The following NAT14 variants were observed in gnomAD, a reference collection of about 807,000 sequenced individuals.
NAT14 encodes probable N-acetyltransferase 14.
In NAT14, 14 loss-of-function variants were observed where a neutral mutation model predicts 12.1. The ratio of observed to expected loss-of-function variants is 1.16; its 90% CI spans 0.76 to 1.81. NAT14 has a LOEUF of 1.81. Ranked by LOEUF, NAT14 falls within the 40% of genes most tolerant of loss-of-function variation. The probability of loss-of-function intolerance (pLI) is 0.00; values close to 1 mark genes in which losing one functional copy is unlikely to be tolerated. For missense variants in NAT14, 341 were observed against 304.3 expected, an observed-to-expected ratio of 1.12 and a Z score of -0.90; for synonymous variants, 156 against 145.1, an observed-to-expected ratio of 1.08 and a Z score of -0.54.
Position 55,487,277 on chromosome 19 carries a change from G to A in NAT14, c.*321G>A. 2.2e-6 allele frequency: 1 copy of A among 462,726 alleles called. No homozygotes were observed. Among genetic ancestry groups the A allele is most frequent in the Non-Finnish European group, 3.8e-6 (1 of 265,628 alleles). The allele number at this position is 462,726 out of a possible 1,614,324, so 28.7% of individuals were successfully genotyped here. A position where few individuals can be genotyped will look rare whatever the true frequency, so the allele number is the denominator to read the frequency against. Reference sequence around the variant, plus strand: ...AACCTCCCCGGGTGATGTCTGCAAAGTCTGTGCTGTCCGTGCCCCAGGCTG... The same window carrying A: ...AACCTCCCCGGGTGATGTCTGCAAAATCTGTGCTGTCCGTGCCCCAGGCTG... On this transcript the variant is annotated 3_prime_UTR_variant, in exon 3 of 3. Transcript: ENST00000205194.
rs1051919066 is a variant in NAT14 at position 55,486,497 on chromosome 19, C to T, written c.162C>T (p.Gly54=). The stretch of plus-strand genomic sequence containing the variant: ...TCCTCCTGGCGGCGGCCAGCAGCGG[C>T]CTGCGCTTTGTCCTGGCTTCCTTCG... ...ALLLLAAASS[G]LRFVLASFAL... is the part of the protein sequence containing the mutation. Residue 54 remains glycine (G), a synonymous_variant, in exon 3 of 3, where the codon GGC becomes GGT. Coordinates refer to ENST00000205194, the MANE Select transcript of NAT14 (RefSeq NM_020378.4). 1 of 1,576,836 alleles carries T rather than the reference C, an allele frequency of 6.3e-7. No individual in the cohort carries two copies. Among genetic ancestry groups the T allele is most frequent in the Admixed American group, 1.8e-5 (1 of 56,706 alleles).
rs770406141 is a variant in NAT14, at chr19:55,485,821, G to A, written c.72+41G>A. ...CCCAGGGGGCCTGGGAGTGGCTGCA[G>A]TGGGGGAATTGCAAGTGGATTCAGC... is the stretch of plus-strand genomic sequence containing the variant. On this transcript the variant is annotated intron_variant, in intron 2 of 2. Coordinates refer to ENST00000205194, the MANE Select transcript of NAT14 (RefSeq NM_020378.4). 6.3e-6 allele frequency: 9 copies of A among 1,436,848 alleles called. No homozygotes were observed. In the South Asian group the frequency reaches 1.1e-4, roughly 18 times the overall value. 89.0% of individuals were successfully genotyped at this position (1,436,848 alleles called of 1,614,324 possible). A position where few individuals can be genotyped will look rare whatever the true frequency, so the allele number is the denominator to read the frequency against.
rs904323293 is a variant in NAT14 at position 55,486,897 on chromosome 19, G to A, written c.562G>A (p.Glu188Lys). ...GCTGGAGGGCTGTGGCTACCAGGCC[G>A]AGGGGGGCTGGGGCTGCCTGGGCTA... ...GMLEGCGYQA[E>K]GGWGCLGYTL... Residue 188 changes from glutamate (E) to lysine (K), a missense_variant, in exon 3 of 3, where the codon GAG (glutamate) becomes AAG (lysine). By Grantham distance (56) the Glu-to-Lys change is moderately conservative. Coordinates refer to ENST00000205194, the MANE Select transcript of NAT14 (RefSeq NM_020378.4). 1.4e-5 allele frequency: 22 copies of A among 1,553,160 alleles called. No individual in the cohort carries two copies. The highest frequency in any genetic ancestry group is 1.9e-5 in the Non-Finnish European group (22 of 1,157,116).
chr19:55,485,852 C>A lies in NAT14; in HGVS notation c.72+72C>A, dbSNP rs371970303. The A allele has an allele frequency of 3.7e-5, 44 of 1,194,640 alleles. No homozygotes were observed. The African/African-American group carries it at 6.3e-4, about 17-fold the overall frequency. 74.0% of individuals were successfully genotyped at this position (1,194,640 alleles called of 1,614,324 possible). On this transcript the variant is annotated intron_variant, in intron 2 of 2. Transcript: ENST00000205194. Reference sequence around the variant, plus strand: ...GAATTGCAAGTGGATTCAGCCACCCCCTCCCACCCACCTGAGCCAGCCTGG... The same window carrying A: ...GAATTGCAAGTGGATTCAGCCACCCACTCCCACCCACCTGAGCCAGCCTGG...
In NAT14 at chr19:55,487,059, C is replaced by T. The variant is rs1986945925; in HGVS notation, c.*103C>T. The stretch of plus-strand genomic sequence containing the variant: ...TTTTACCTGCTCTCCCTCAGTGAGT[C>T]CTCAACCACCCTGGGCCCAGAAACA... On this transcript the variant is annotated 3_prime_UTR_variant, in exon 3 of 3. Transcript: ENST00000205194. 7.0e-7 allele frequency: 1 copy of T among 1,435,412 alleles called. No individual in the cohort carries two copies. Among genetic ancestry groups the T allele is most frequent in the Admixed American group, 2.5e-5 (1 of 39,808 alleles). 88.9% of individuals were successfully genotyped at this position (1,435,412 alleles called of 1,614,324 possible).
In NAT14 at chr19:55,486,504, T is replaced by TTTGTCCTGGCTTCCTTCGCC; in HGVS notation, c.170_189dup (p.Ala65SerfsTer20). ...GGCGGCGGCCAGCAGCGGCCTGCGC[T>TTTGTCCTGGCTTCCTTCGCC]TTGTCCTGGCTTCCTTCGCCCTGGC... On this transcript the variant is annotated frameshift_variant, in exon 3 of 3. Coordinates refer to ENST00000205194, the MANE Select transcript of NAT14 (RefSeq NM_020378.4). LOFTEE classifies it high-confidence loss of function. The TTTGTCCTGGCTTCCTTCGCC allele has an allele frequency of 3.8e-6, 6 of 1,582,628 alleles. No homozygotes were observed. The highest frequency in any genetic ancestry group is 5.1e-6 in the Non-Finnish European group (6 of 1,171,592).
intron 1 of NAT14, 68 bp downstream of exon 1, chr19:55,485,326 C>G (rs1360652336): frequency 4.9e-6 from 1 of 204,264 alleles, no homozygotes; most frequent in Non-Finnish European, 9.9e-6. Context: ...CGCTGGGGAC[C>G]GGGGTGGAGC....
At chr19:55,485,937 G>A (rs1390557166) in intron 2 of NAT14, 157 bp downstream of exon 2, 3 of 652,054 alleles carry the variant, frequency 4.6e-6, no homozygotes, top group Non-Finnish European at 8.2e-6. Context: ...GAAAACCACA[G>A]CAGGTGTGGC....
In NAT14 at chr19:55,485,251, C is replaced by G. The variant is rs531938738; in HGVS notation, c.-56C>G. The G allele has an allele frequency of 6.4e-6, 1 of 157,402 alleles. No individual in the cohort carries two copies. Among genetic ancestry groups the G allele is most frequent in the Admixed American group, 6.4e-5 (1 of 15,578 alleles). 9.8% of individuals were successfully genotyped at this position (157,402 alleles called of 1,614,324 possible). On this transcript the variant is annotated 5_prime_UTR_variant, in exon 1 of 3. Transcript: ENST00000205194. ...ACCTTGTCGAAGGACCAAAGGCGAC[C>G]GGTGCAGGTGCTTGCTGGTCCTTGT... is the stretch of plus-strand genomic sequence containing the variant.
chr19:55,487,320 G>A lies in NAT14; in HGVS notation c.*364G>A. On this transcript the variant is annotated 3_prime_UTR_variant, in exon 3 of 3. Transcript: ENST00000205194. The stretch of plus-strand genomic sequence containing the variant: ...CCAGGCTGGGAGAGCTATCTGGGGA[G>A]GGGGAGAGGAGGCCGAGCAGAATAC... 2 of 432,030 alleles carry A rather than the reference G, an allele frequency of 4.6e-6. No individual in the cohort carries two copies. The highest frequency in any genetic ancestry group is 5.7e-4 in the Middle Eastern group (1 of 1,748). The allele number at this position is 432,030 out of a possible 1,614,324, so 26.8% of individuals were successfully genotyped here.
chr19:55,485,582 G>A (rs542273840), intron 1 of NAT14, 79 bp from the exon 2 acceptor site: 7 of 752,650 alleles, frequency 9.3e-6, no homozygotes, highest in South Asian at 8.7e-5. Context: ...GGGAAGTGCC[G>A]TTGCTGCTCC....
In NAT14 at chr19:55,486,816, C is replaced by T. The variant is rs1430762258; in HGVS notation, c.481C>T (p.Pro161Ser). 4 of 1,499,340 alleles carry T rather than the reference C, an allele frequency of 2.7e-6. No individual in the cohort carries two copies. Among genetic ancestry groups the T allele is most frequent in the African/African-American group, 1.4e-5 (1 of 70,986 alleles). The allele number at this position is 1,499,340 out of a possible 1,614,324, so 92.9% of individuals were successfully genotyped here. A position where few individuals can be genotyped will look rare whatever the true frequency, so the allele number is the denominator to read the frequency against. Residue 161 changes from proline to serine, a missense_variant, in exon 3 of 3, where the codon CCC becomes TCC. Coordinates refer to ENST00000205194, the MANE Select transcript of NAT14 (RefSeq NM_020378.4). Reference protein sequence around the residue: ...ARAWAGGMGEPRARLVVPVAV... With the variant: ...ARAWAGGMGESRARLVVPVAV... ...GGCCTGGGCTGGGGGCATGGGGGAG[C>T]CCCGGGCCCGGCTCGTGGTCCCCGT...
At chr19:55,485,361 T>G in intron 1 of NAT14, 103 bp downstream of exon 1, 1 of 272,812 alleles carries the variant, frequency 3.7e-6, no homozygotes, top group Non-Finnish European at 7.0e-6. Flanking sequence ...CTCTGGCATG[T>G]GGGGAGGGTG....
At chr19:55,485,593 C>CT (rs1164497163) in intron 1 of NAT14, 68 bp from the exon 2 acceptor site, 1 of 852,080 alleles carries the variant, frequency 1.2e-6, no homozygotes, top group East Asian at 2.7e-5. Context: ...TTGCTGCTCC[C>CT]TACCCCTCGG....
At chr19:55,485,365 GA>G in intron 1 of NAT14, 107 bp downstream of exon 1, 1 of 288,904 alleles carries the variant, frequency 3.5e-6, no homozygotes, top group Non-Finnish European at 6.6e-6. Flanking sequence ...GGCATGTGGG[GA>G]GGGTGTTCGT....
rs1986933390 is a variant in NAT14 at position 55,486,781 on chromosome 19, C to T, written c.446C>T (p.Ala149Val). 2.1e-6 allele frequency: 3 copies of T among 1,429,736 alleles called. No homozygotes were observed. The highest frequency in any genetic ancestry group is 1.5e-5 in the South Asian group (1 of 67,970). The allele number at this position is 1,429,736 out of a possible 1,614,324, so 88.6% of individuals were successfully genotyped here. A position where few individuals can be genotyped will look rare whatever the true frequency, so the allele number is the denominator to read the frequency against. Residue 149 changes from alanine (A) to valine (V), a missense_variant, in exon 3 of 3, where the codon GCC (alanine) becomes GTC (valine). Ala to Val is a moderately conservative substitution (Grantham distance 64). Transcript: ENST00000205194. ...AGGAGGCTGCTGGCCTTCGCGGAGG[C>T]CCGGGCTCGGGCCTGGGCTGGGGGC... is the stretch of plus-strand genomic sequence containing the variant. ...VGRRLLAFAEARARAWAGGMG... is the reference protein window; with the variant it reads ...VGRRLLAFAEVRARAWAGGMG...
At chr19:55,485,464 G>C (rs1332909876) in intron 1 of NAT14, among the ~76,000 whole-genome samples, 197 bp from the exon 2 acceptor site, 1 of 123,506 alleles carries the variant, frequency 8.1e-6, no homozygotes, top group Non-Finnish European at 1.8e-5. Flanking sequence ...TAATACGGGG[G>C]AGGGGGGATC....
Position 55,487,365 on chromosome 19 carries a change from C to T in NAT14, c.*409C>T, listed in dbSNP as rs1042722260. Reference sequence around the variant, plus strand: ...GAATACACCCCAGAGTTAGGGTTTGCGACTCCGCCTCCCTGGGACCTGGAT... The same window carrying T: ...GAATACACCCCAGAGTTAGGGTTTGTGACTCCGCCTCCCTGGGACCTGGAT... On this transcript the variant is annotated 3_prime_UTR_variant, in exon 3 of 3. Transcript: ENST00000205194. 9.8e-6 allele frequency: 4 copies of T among 408,702 alleles called. No homozygotes were observed. Among genetic ancestry groups the T allele is most frequent in the African/African-American group, 8.2e-5 (4 of 48,652 alleles). 25.3% of individuals were successfully genotyped at this position (408,702 alleles called of 1,614,324 possible). A position where few individuals can be genotyped will look rare whatever the true frequency, so the allele number is the denominator to read the frequency against.
chr19:55,485,962 C>T (rs896681561), intron 2 of NAT14, 182 bp downstream of exon 2: 1 of 621,866 alleles, frequency 1.6e-6, no homozygotes, highest in Admixed American at 2.8e-5. Context: ...GGGGGCTCAC[C>T]CCCCCAGCCC....
Sources: allele counts gnomAD v4.1 joint callset (sites outside exome capture counted in the v4.1 genomes callset), GRCh38; gene constraint gnomAD v4.1.1; transcripts MANE v1.5; gene names NCBI Gene and HGNC (gene_info 2026-07-23, HGNC 2026-07-21).